Variants in MYH3 observed in about 807,000 individuals in gnomAD.
MYH3 encodes myosin-3.
In MYH3, 130 loss-of-function variants were observed where a neutral mutation model predicts 238.0. The ratio of observed to expected loss-of-function variants is 0.55; its 90% CI spans 0.47 to 0.63. MYH3 has a LOEUF of 0.63. Ranked by LOEUF, MYH3 falls within the 30% of genes least tolerant of loss-of-function variation. The pLI is 0.00. For missense variants in MYH3, 1,853 were observed against 2,374.9 expected (o/e 0.78, Z 4.57); for synonymous variants, 880 against 924.1 (o/e 0.95, Z 0.86).
rs2074183189 is a variant in MYH3, at chr17:10,633,353, A to C, written c.4647+238T>G. 2.0e-5 allele frequency among the ~76,000 whole-genome samples: 3 copies of C among 152,238 alleles called. No individual in the cohort carries two copies. The South Asian group carries it at 6.2e-4, about 31-fold the overall frequency. ...TTTCTAGATATTTTTAATTCATGTAATATTTTGTAAAATCTCATCTTTAGG... is the reference window on the plus strand; with the variant it reads ...TTTCTAGATATTTTTAATTCATGTACTATTTTGTAAAATCTCATCTTTAGG... On this transcript the variant is annotated intron_variant, in intron 33 of 40. Transcript: ENST00000583535.
intron 30 of MYH3, 117 bp from the exon 31 acceptor site, chr17:10,635,140 C>T (rs562188355): frequency 4.6e-5 from 62 of 1,341,618 alleles, no homozygotes; most frequent in Middle Eastern, 5.0e-4. Flanking sequence ...TGTTTTTATA[C>T]GCCCAGGAGA....
Position 10,629,592 on chromosome 17 carries a change from C to T in MYH3, c.5796+5G>A. The T allele has an allele frequency of 6.2e-7, 1 of 1,612,966 alleles. No individual in the cohort carries two copies. ...GGGGGGGCTCCTCCCAGCTCAGCGA[C>T]TCACCCTGCTGGAGGTGAAGTCTCG... On this transcript the variant is annotated splice_donor_5th_base_variant and intron_variant, in intron 40 of 40. Transcript: ENST00000583535.
At chr17:10,641,015 C>A (rs2074265733) in intron 19 of MYH3, 70 bp downstream of exon 19, 1 of 1,235,004 alleles carries the variant, frequency 8.1e-7, no homozygotes, top group East Asian at 2.3e-5. Flanking sequence ...TCATACGAAT[C>A]TTTCTCCCTC....
At chr17:10,676,789 T>G in the MYH3 span, 1 of 152,202 alleles carries the variant, frequency 6.6e-6, no homozygotes, top group East Asian at 1.9e-4. Context: ...AACTTTTCTG[T>G]ATGCCAAACT....
the MYH3 span, chr17:10,675,288 C>T: frequency 4.7e-3 from 721 of 152,772 alleles, 2 homozygotes; most frequent in African/African-American, 0.012. Context: ...ACTTTCTCCA[C>T]GCTGTCTTCT....
At chr17:10,658,155 GCTGT>G (rs1376154603), upstream of MYH3, among the ~76,000 whole-genome samples, 3 of 152,172 alleles carry the variant, frequency 2.0e-5, no homozygotes, top group Non-Finnish European at 4.4e-5. Flanking sequence ...ACAAGGGGGG[GCTGT>G]CTAACAAATG....
intron 14 of MYH3, 51 bp from the exon 15 acceptor site, chr17:10,643,047 C>G (rs1567558233): frequency 6.2e-7 from 1 of 1,613,884 alleles, no homozygotes; most frequent in African/African-American, 1.3e-5. Context: ...CTTTCAGAAT[C>G]AAAGACTGTC....
the MYH3 span, among the ~76,000 whole-genome samples, chr17:10,671,493 T>C: frequency 6.6e-6 from 1 of 152,302 alleles, no homozygotes; most frequent in Admixed American, 6.5e-5. Context: ...AATTCCACTG[T>C]TTGAATTAAA....
At chr17:10,670,886 T>C in the MYH3 span, among the ~76,000 whole-genome samples, 1 of 152,058 alleles carries the variant, frequency 6.6e-6, no homozygotes. This position sits in a 1 kb window ranked among gnomAD's most constrained non-coding sequence, Gnocchi z 7.0. Flanking sequence ...CTGCTGTAAT[T>C]GTTTTTGTCT....
rs1392891654 is a variant in MYH3 at position 10,639,756 on chromosome 17, A to T, written c.2729T>A (p.Ile910Asn). 6.2e-7 allele frequency: 1 copy of T among 1,613,884 alleles called. No individual in the cohort carries two copies. The highest frequency in any genetic ancestry group is 1.7e-5 in the Admixed American group (1 of 59,964). Residue 910 changes from isoleucine to asparagine, a missense_variant, in exon 23 of 41, where the codon ATC becomes AAC. By Grantham distance (149) the Ile-to-Asn change is moderately radical. Coordinates refer to ENST00000583535, the MANE Select transcript of MYH3 (RefSeq NM_002470.4). ...LDAEERCDQL[I>N]KAKFQLEAKI... is the part of the protein sequence containing the mutation. The stretch of plus-strand genomic sequence containing the variant: ...GGCCTCGAGCTGGAATTTGGCTTTG[A>T]TCAGCTGATCGCATCTTTCCTCAGC...
In MYH3 at chr17:10,655,089, C is replaced by T; in HGVS notation, c.-8-17G>A. On this transcript the variant is annotated splice_polypyrimidine_tract_variant and intron_variant, in intron 2 of 40. Coordinates refer to ENST00000583535, the MANE Select transcript of MYH3 (RefSeq NM_002470.4). ...TGGTGTCAGCTGGAAGGCAAACCCA[C>T]CCGGTGAGCTCAGCAGCCCCCTTGC... The T allele has an allele frequency of 6.2e-7, 1 of 1,608,234 alleles. No homozygotes were observed. The highest frequency in any genetic ancestry group is 8.5e-7 in the Non-Finnish European group (1 of 1,175,040).
the MYH3 span, chr17:10,675,921 G>A: frequency 6.6e-6 from 1 of 152,060 alleles, no homozygotes. Flanking sequence ...ATGACATGGA[G>A]ACAACACATC....
At chr17:10,643,040 T>C (rs1441402575) in intron 14 of MYH3, 44 bp from the exon 15 acceptor site, 1 of 1,614,038 alleles carries the variant, frequency 6.2e-7, no homozygotes, top group Non-Finnish European at 8.5e-7. Context: ...TAGACTTCTT[T>C]CAGAATCAAA....
In MYH3 at chr17:10,633,948, C is replaced by A. The variant is rs2074188884; in HGVS notation, c.4522+69G>T. 36 of 1,585,512 alleles carry A rather than the reference C, an allele frequency of 2.3e-5. 1 individual carries two copies. In the South Asian group the frequency reaches 4.0e-4, roughly 18 times the overall value. ...AGGAAACTGAGTGATGAAGCCACAC[C>A]CACGCCAGCATGCTCTCGAGCAATA... is the stretch of plus-strand genomic sequence containing the variant. On this transcript the variant is annotated intron_variant, in intron 32 of 40. Coordinates refer to ENST00000583535, the MANE Select transcript of MYH3 (RefSeq NM_002470.4).
At chr17:10,648,734 G>A (rs1270562498) in intron 7 of MYH3, 85 bp from the exon 8 acceptor site, 1 of 1,209,836 alleles carries the variant, frequency 8.3e-7, no homozygotes, top group Non-Finnish European at 1.2e-6. Flanking sequence ...GCAGTGCAAT[G>A]GCACGATCTT....
upstream of MYH3, among the ~76,000 whole-genome samples, chr17:10,657,596 G>A (rs781677172): frequency 2.0e-5 from 3 of 152,142 alleles, no homozygotes; most frequent in Non-Finnish European, 4.4e-5. Context: ...GAGGAGTTGC[G>A]GGGGCAGCCA....
chr17:10,662,025 TTTC>T (rs913301060), upstream of MYH3, among the ~76,000 whole-genome samples: 11 of 151,246 alleles, frequency 7.3e-5, no homozygotes, highest in Non-Finnish European at 8.8e-5. Context: ...TCTTTCTTTC[TTTC>T]TTTTTTTTTT....
rs1407845812 is a variant in MYH3, at chr17:10,642,838, C to T, written c.1569G>A (p.Glu523=). ...DFGMDLAACI[E]LIEKPMGIFS... ...TGGAACTGGATACCTTCTCGATGAGCTCGATGCAGGCAGCCAGGTCCATCC... is the reference window on the plus strand; with the variant it reads ...TGGAACTGGATACCTTCTCGATGAGTTCGATGCAGGCAGCCAGGTCCATCC... The change falls in exon 15 of 41, where the codon GAG becomes GAA. Residue 523 remains glutamate (E), a synonymous_variant. Transcript: ENST00000583535. This position sits in a 1 kb window ranked among gnomAD's most constrained non-coding sequence, Gnocchi z 5.4. The T allele has an allele frequency of 9.3e-6, 15 of 1,614,132 alleles. No homozygotes were observed. Among genetic ancestry groups the T allele is most frequent in the Non-Finnish European group, 1.2e-5 (14 of 1,180,002 alleles).
the MYH3 span, among the ~76,000 whole-genome samples, chr17:10,671,622 C>T: frequency 7.0e-6 from 1 of 142,974 alleles, no homozygotes; most frequent in African/African-American, 2.7e-5. Context: ...TCTTGTCGCC[C>T]AGGCTGGAGT....
Sources: gnomAD v4.1 joint callset for allele counts (sites outside exome capture counted in the v4.1 genomes callset) on GRCh38, gnomAD v4.1.1 for gene constraint, Gnocchi (gnomAD v3.1) non-coding constraint, MANE v1.5 for transcripts, NCBI Gene and HGNC (gene_info 2026-07-23, HGNC 2026-07-21) for gene names.